PWWP2A: variants seen among roughly 807,000 people sequenced by gnomAD.
The protein encoded by PWWP2A is PWWP domain-containing protein 2A.
PWWP2A carries 18 observed loss-of-function variants against 48.5 expected under a neutral mutation model. The ratio of observed to expected loss-of-function variants is 0.37; its 90% confidence interval spans 0.26 to 0.55. PWWP2A has a LOEUF of 0.55. PWWP2A is among the 20% of genes least tolerant of loss of function. PWWP2A has a pLI of 0.81. For synonymous variants in PWWP2A, 396 were observed against 387.7 expected (o/e 1.02, Z -0.25); for missense variants, 867 against 976.4 (o/e 0.89, Z 1.49).
chr5:160,051,140 G>A, the PWWP2A span: 6 of 1,604,038 alleles, frequency 3.7e-6, no homozygotes, highest in African/African-American at 8.1e-5. Context: ...GATTACCTAA[G>A]CAAATTGAAG....
the PWWP2A span, among the ~76,000 whole-genome samples, chr5:160,049,867 C>T: frequency 3.9e-5 from 6 of 151,942 alleles, no homozygotes; most frequent in African/African-American, 9.7e-5. Context: ...CACTTGAGGC[C>T]AGGAGCTCGA....
downstream of PWWP2A, among the ~76,000 whole-genome samples, chr5:160,061,200 C>T (rs1054858844): frequency 9.8e-5 from 15 of 152,344 alleles, no homozygotes; most frequent in South Asian, 4.1e-4. Context: ...TGGGCTTGCA[C>T]GGACAGCACC....
intron 1 of PWWP2A, among the ~76,000 whole-genome samples, chr5:160,100,773 G>A (rs568656654): frequency 7.9e-5 from 12 of 152,258 alleles, no homozygotes; most frequent in African/African-American, 2.2e-4. Context: ...GACTGGTTAC[G>A]ATGTCAAAGT....
chr5:160,117,703 G>T, intron 1 of PWWP2A: 1 of 156,926 alleles, frequency 6.4e-6, no homozygotes, highest in Non-Finnish European at 1.4e-5. Flanking sequence ...CAGAATAACT[G>T]CTCTCATCTT....
intron 2 of PWWP2A, among the ~76,000 whole-genome samples, chr5:160,069,292 A>G (rs2113440274): frequency 6.6e-6 from 1 of 152,208 alleles, no homozygotes; most frequent in Non-Finnish European, 1.5e-5. Flanking sequence ...TATCTAAAAA[A>G]AAAAAGGCTT....
the PWWP2A span, among the ~76,000 whole-genome samples, chr5:160,053,326 C>T: frequency 1.3e-5 from 2 of 152,130 alleles, no homozygotes; most frequent in African/African-American, 4.8e-5. Context: ...GGTGTGGTGG[C>T]TCACACCTGT....
chr5:160,086,027 C>T (rs946869387), intron 2 of PWWP2A, among the ~76,000 whole-genome samples: 2 of 151,806 alleles, frequency 1.3e-5, no homozygotes, highest in African/African-American at 2.4e-5. Context: ...CCATGTTGGC[C>T]ACGCTGGCCT....
At chr5:160,055,380 C>T in the PWWP2A span, among the ~76,000 whole-genome samples, 6 of 152,170 alleles carry the variant, frequency 3.9e-5, no homozygotes, top group South Asian at 2.1e-4. Context: ...CATTGTCTAA[C>T]GGGGAAGCCC....
chr5:160,065,485 C>G (rs1426768643), intron 4 of PWWP2A: 1 of 446,060 alleles, frequency 2.2e-6, no homozygotes. Context: ...ACACAGCTAA[C>G]GAGGCTGCCT....
At chr5:160,062,266 G>A (rs1753439317) in intron 5 of PWWP2A, among the ~76,000 whole-genome samples, 1 of 152,216 alleles carries the variant, frequency 6.6e-6, no homozygotes, top group Admixed American at 6.5e-5. Context: ...TCTTAGCTTG[G>A]AATGGTCTTT....
At chr5:160,072,556 C>A (rs1457689460), downstream of PWWP2A, among the ~76,000 whole-genome samples, 1 of 151,968 alleles carries the variant, frequency 6.6e-6, no homozygotes, top group South Asian at 2.1e-4. Context: ...GAAACCCCGT[C>A]GCTACAAAAT....
chr5:160,049,617 A>G, the PWWP2A span: 2 of 1,607,090 alleles, frequency 1.2e-6, no homozygotes, highest in South Asian at 1.1e-5. Context: ...ATAAATCTAT[A>G]TTAGAAAAAG....
chr5:160,080,630 C>T, intron 3 of PWWP2A: 1 of 1,509,516 alleles, frequency 6.6e-7, no homozygotes, highest in South Asian at 1.3e-5. Flanking sequence ...CACTTTGTGG[C>T]AGGGCTTAAA....
rs144701654 is a variant in PWWP2A, at chr5:160,068,536, T to C, written c.*80-1665A>G. Among the ~76,000 whole-genome samples, 1,340 of 152,166 alleles carry C rather than the reference T, an allele frequency of 8.8e-3. 14 individuals are homozygous for C. Among genetic ancestry groups the C allele is most frequent in the Middle Eastern group, 0.02 (6 of 294 alleles). On this transcript the variant is annotated intron_variant and NMD_transcript_variant, in intron 2 of 5. Transcript: ENST00000524050. ...ATCGTTTGGACCCAACAGGCGGAGG[T>C]TGCAGTAAGCTGAGATCGTGCCACT...
intron 1 of PWWP2A, among the ~76,000 whole-genome samples, chr5:160,094,323 A>G (rs893430653): frequency 1.3e-5 from 2 of 152,238 alleles, no homozygotes; most frequent in Non-Finnish European, 2.9e-5. Flanking sequence ...CTTAAAGTAG[A>G]TATTTCCAGT....
At chr5:160,083,849 TTAAA>T (rs1754421250) in intron 2 of PWWP2A, among the ~76,000 whole-genome samples, 1 of 152,192 alleles carries the variant, frequency 6.6e-6, no homozygotes, top group Non-Finnish European at 1.5e-5. Context: ...AATTTGTGTG[TTAAA>T]TAAATGAATG....
In PWWP2A at chr5:160,119,002, C is replaced by T; in HGVS notation, c.387G>A (p.Glu129=). The change falls in exon 1 of 2, where the codon GAG becomes GAA. Residue 129 remains glutamate (E), a synonymous_variant. Coordinates refer to ENST00000307063, the MANE Select transcript of PWWP2A (RefSeq NM_001130864.2). The part of the protein sequence containing the change: ...SPPEQPPAPE[E]REEPPLPQPV... ...GCTGAGGCAGCGGCGGCTCCTCGCG[C>T]TCCTCGGGAGCCGGGGGCTGCTCCG... The T allele has an allele frequency of 6.3e-7, 1 of 1,599,204 alleles. No individual in the cohort carries two copies. The highest frequency in any genetic ancestry group is 8.5e-7 in the Non-Finnish European group (1 of 1,175,182).
rs1031987482 is a variant in PWWP2A, at chr5:160,091,907, T to C, written c.*475A>G. The C allele has an allele frequency of 1.8e-5, 18 of 984,410 alleles. No individual in the cohort carries two copies. In the African/African-American group the frequency reaches 2.8e-4, roughly 15 times the overall value. 61.0% of individuals were successfully genotyped at this position (984,410 alleles called of 1,614,324 possible). On this transcript the variant is annotated 3_prime_UTR_variant, in exon 2 of 2. Coordinates refer to ENST00000307063, the MANE Select transcript of PWWP2A (RefSeq NM_001130864.2). ...ACTATTCCCCCAGCTCACCAAGCCC[T>C]TATTGCAATCCCAAATATGCAATCT... is the stretch of plus-strand genomic sequence containing the variant.
intron 2 of PWWP2A, among the ~76,000 whole-genome samples, chr5:160,081,242 T>C (rs1754210590): frequency 9.9e-6 from 1 of 101,332 alleles, no homozygotes; most frequent in African/African-American, 4.0e-5. Context: ...TGACCCCCTT[T>C]TTTTTTTTTT....
Sources: allele counts gnomAD v4.1 joint callset (sites outside exome capture counted in the v4.1 genomes callset), GRCh38; gene constraint gnomAD v4.1.1; transcripts MANE v1.5; gene names NCBI Gene and HGNC (gene_info 2026-07-23, HGNC 2026-07-21).